The following RHOBTB2 variants were observed in gnomAD, a reference collection of about 807,000 sequenced individuals.
RHOBTB2 encodes Rho related BTB domain containing 2, also known as rho-related BTB domain-containing protein 2.
In RHOBTB2, 39 loss-of-function variants were observed where a neutral mutation model predicts 66.5. That is an observed-to-expected ratio of 0.59 (90% confidence interval 0.45 to 0.77). The LOEUF is 0.77. Among genes scored for constraint, RHOBTB2 ranks in the 30% least tolerant of loss-of-function variants. The pLI, the probability that RHOBTB2 is intolerant of heterozygous loss-of-function variation, is 0.00. For missense variants in RHOBTB2, 755 were observed against 999.1 expected, an observed-to-expected ratio of 0.76 and a Z score of 3.29; for synonymous variants, 390 against 395.0, an observed-to-expected ratio of 0.99 and a Z score of 0.15.
intron 1 of RHOBTB2, among the ~76,000 whole-genome samples, chr8:23,001,116 G>A (rs1810766071): frequency 6.6e-6 from 1 of 152,134 alleles, no homozygotes; most frequent in Non-Finnish European, 1.5e-5. Context: ...GGCTGTTTTT[G>A]GAGGGGCACA....
the RHOBTB2 span, among the ~76,000 whole-genome samples, chr8:22,973,617 C>CG: frequency 6.6e-6 from 1 of 152,128 alleles, no homozygotes; most frequent in Non-Finnish European, 1.5e-5. Flanking sequence ...GTGCCCAGCC[C>CG]GGGCCTGGCA....
At chr8:22,990,403 C>T (rs1810395939) in intron 1 of RHOBTB2, among the ~76,000 whole-genome samples, 1 of 152,192 alleles carries the variant, frequency 6.6e-6, no homozygotes, top group Non-Finnish European at 1.5e-5. Context: ...AGCCTGCAGG[C>T]AGGACATCTT....
intron 1 of RHOBTB2, among the ~76,000 whole-genome samples, chr8:23,002,612 C>A (rs1273591815): frequency 6.6e-6 from 1 of 152,172 alleles, no homozygotes; most frequent in Non-Finnish European, 1.5e-5. Context: ...ATCACTTGAA[C>A]CCAGGAGGCA....
At chr8:22,988,825 A>G (rs574136279) in intron 1 of RHOBTB2, among the ~76,000 whole-genome samples, 263 of 152,274 alleles carry the variant, frequency 1.7e-3, no homozygotes, top group Admixed American at 3.7e-3. Context: ...TAGCGAGGCT[A>G]TGATAACTCA....
rs766652311 is a variant in RHOBTB2, at chr8:23,004,377, C to G, written c.-10-48C>G. On this transcript the variant is annotated intron_variant, in intron 1 of 9. Transcript: ENST00000251822. This position sits in a 1 kb window ranked among gnomAD's most constrained non-coding sequence, Gnocchi z 6.4. ...TGCGGGTGCTGGCCCTGGCCCACGG[C>G]GAGCTGGCATGCCATGCCGTCCTGA... The G allele has an allele frequency of 2.2e-5, 34 of 1,542,014 alleles. No individual in the cohort carries two copies. Among genetic ancestry groups the G allele is most frequent in the Non-Finnish European group, 3.0e-5 (34 of 1,116,038 alleles).
chr8:22,977,294 C>T, the RHOBTB2 span, among the ~76,000 whole-genome samples: 3 of 152,012 alleles, frequency 2.0e-5, no homozygotes, highest in South Asian at 4.1e-4. Context: ...AGATATTTGT[C>T]GAAGGCCAGG....
chr8:22,988,149 TCC>T lies in RHOBTB2; in HGVS notation c.-137+589_-137+590del, dbSNP rs1168457543. ...CCAGCATCTCTGTTGTCCTGCTCCT[TCC>T]CCTTTTTTTTTTTTTTTTTTTTTTT... is the stretch of plus-strand genomic sequence containing the variant. On this transcript the variant is annotated intron_variant, in intron 1 of 11. Coordinates refer to the RHOBTB2 transcript ENST00000519685. Among the ~76,000 whole-genome samples the T allele has an allele frequency of 8.3e-4, 112 of 135,478 alleles. 2 individuals carry two copies. The East Asian group carries it at 0.013, about 15-fold the overall frequency. The allele number at this position is 135,478 out of a possible 152,430, so 88.9% of individuals were successfully genotyped here.
At chr8:22,998,426 T>G (rs536977283), upstream of RHOBTB2, among the ~76,000 whole-genome samples, 1 of 152,232 alleles carries the variant, frequency 6.6e-6, no homozygotes, top group African/African-American at 2.4e-5. Context: ...AGCTGACTAC[T>G]TAACACTAGC....
At chr8:22,976,962 T>G in the RHOBTB2 span, among the ~76,000 whole-genome samples, 1 of 152,074 alleles carries the variant, frequency 6.6e-6, no homozygotes, top group African/African-American at 2.4e-5. Flanking sequence ...CATATCAAGA[T>G]GCAAGCTCCC....
chr8:23,011,514 G>A (rs1377885743), intron 7 of RHOBTB2, among the ~76,000 whole-genome samples: 1 of 152,138 alleles, frequency 6.6e-6, no homozygotes, highest in African/African-American at 2.4e-5. Flanking sequence ...TGCACGGATT[G>A]TACGAGCCGG....
At chr8:22,990,165 G>C (rs1361026598) in intron 1 of RHOBTB2, among the ~76,000 whole-genome samples, 1 of 152,154 alleles carries the variant, frequency 6.6e-6, no homozygotes, top group South Asian at 2.1e-4. Context: ...ACTAGCGAGA[G>C]CTTAACATGC....
upstream of RHOBTB2, among the ~76,000 whole-genome samples, chr8:22,999,388 C>T (rs974767014): frequency 7.2e-5 from 11 of 152,060 alleles, no homozygotes; most frequent in African/African-American, 2.4e-4. Context: ...GAGCCGAGAC[C>T]CTCCCCGCGG....
chr8:22,953,901 A>C, the RHOBTB2 span, among the ~76,000 whole-genome samples: 1 of 152,202 alleles, frequency 6.6e-6, no homozygotes, highest in African/African-American at 2.4e-5. Flanking sequence ...TGCCAGATGT[A>C]CAAGGCTGCC....
intron 1 of RHOBTB2, among the ~76,000 whole-genome samples, chr8:23,003,409 G>A (rs765721036): frequency 3.9e-5 from 6 of 152,224 alleles, no homozygotes; most frequent in Non-Finnish European, 7.3e-5. Context: ...AGAAATTCAG[G>A]CTCAAATTTC....
chr8:22,964,162 T>C, the RHOBTB2 span, among the ~76,000 whole-genome samples: 5 of 152,110 alleles, frequency 3.3e-5, no homozygotes, highest in African/African-American at 1.2e-4. Flanking sequence ...ACTCATTTAT[T>C]ATTGCAAGAA....
At chr8:22,988,312 A>C (rs1157415841) in intron 1 of RHOBTB2, among the ~76,000 whole-genome samples, 6 of 151,796 alleles carry the variant, frequency 4.0e-5, no homozygotes, top group Admixed American at 2.6e-4. Context: ...GGGGCCTGCC[A>C]CCATGCCTGG....
chr8:22,986,265 CTTTTTT>C (rs33995780), upstream of RHOBTB2, among the ~76,000 whole-genome samples: 1 of 84,986 alleles, frequency 1.2e-5, no homozygotes, highest in Non-Finnish European at 2.2e-5. Context: ...CAGTGCATTG[CTTTTTT>C]TTTTTTTTTT....
At chr8:22,998,570 C>T (rs901950175), upstream of RHOBTB2, among the ~76,000 whole-genome samples, 1 of 151,914 alleles carries the variant, frequency 6.6e-6, no homozygotes, top group African/African-American at 2.4e-5. Flanking sequence ...CCCGTCTCTA[C>T]CAAAAATACA....
chr8:22,978,258 A>C, the RHOBTB2 span: 1 of 152,226 alleles, frequency 6.6e-6, no homozygotes, highest in Non-Finnish European at 1.5e-5. Context: ...AAAATACCCC[A>C]AAATTTAACA....
Sources: gnomAD v4.1 joint callset for allele counts (sites outside exome capture counted in the v4.1 genomes callset) on GRCh38, gnomAD v4.1.1 for gene constraint, Gnocchi (gnomAD v3.1) non-coding constraint, MANE v1.5 for transcripts, NCBI Gene and HGNC (gene_info 2026-07-23, HGNC 2026-07-21) for gene names.